The following IQGAP2 variants were observed in gnomAD, a reference collection of about 807,000 sequenced individuals.
IQGAP2 encodes the protein ras GTPase-activating-like protein IQGAP2.
IQGAP2 carries 173 observed loss-of-function variants against 201.3 expected under a neutral mutation model. The ratio of observed to expected loss-of-function variants is 0.86; its 90% CI spans 0.76 to 0.98. The LOEUF (loss-of-function observed/expected upper bound fraction) is 0.98, where lower values mean the gene tolerates loss of function less well. Among genes scored for constraint, IQGAP2 ranks in the 50% least tolerant of loss-of-function variants. The pLI, the probability that IQGAP2 is intolerant of heterozygous loss-of-function variation, is 0.00. For synonymous variants in IQGAP2, 675 were observed against 673.9 expected, an observed-to-expected ratio of 1.00 and a Z score of -0.03; for missense variants, 1,687 against 1,864.8, an observed-to-expected ratio of 0.90 and a Z score of 1.76.
At chr5:76,569,321 T>G (rs1478390854) in intron 3 of IQGAP2, among the ~76,000 whole-genome samples, 1 of 152,168 alleles carries the variant, frequency 6.6e-6, no homozygotes, top group Non-Finnish European at 1.5e-5. Context: ...AAATAGAAAT[T>G]TATTCCATTG....
chr5:76,433,964 C>T (rs999036424), intron 1 of IQGAP2, among the ~76,000 whole-genome samples: 1 of 152,176 alleles, frequency 6.6e-6, no homozygotes, highest in Admixed American at 6.5e-5. Flanking sequence ...TTAAATATTT[C>T]AATAAATAAC....
At position 76,497,549 on chromosome 5, in the gene IQGAP2, G is replaced by GA. The variant is rs139567794; in HGVS notation, c.146+35886dup. On this transcript the variant is annotated intron_variant, in intron 2 of 35. Transcript: ENST00000274364. ...TAAACTTTCATTTGTTTTCTAAATTGAAAAAAGCCATTTTTGGATTGTTCT... is the reference window on the plus strand; with the variant it reads ...TAAACTTTCATTTGTTTTCTAAATTGAAAAAAAGCCATTTTTGGATTGTTCT... 1.2e-3 allele frequency among the ~76,000 whole-genome samples: 184 copies of GA among 152,220 alleles called. 6 individuals carry two copies. The East Asian group carries it at 0.028, about 23-fold the overall frequency.
At chr5:76,467,284 T>A (rs1244239311) in intron 2 of IQGAP2, among the ~76,000 whole-genome samples, 1 of 152,150 alleles carries the variant, frequency 6.6e-6, no homozygotes, top group Non-Finnish European at 1.5e-5. Flanking sequence ...AAAGCACTTT[T>A]AAATTCTACA....
At chr5:76,671,734 T>G (rs932347300) in intron 23 of IQGAP2, 25 bp from the exon 24 acceptor site, 3 of 1,538,524 alleles carry the variant, frequency 1.9e-6, no homozygotes, top group Admixed American at 1.8e-5. Flanking sequence ...AGCAAACCAT[T>G]TTGTTTTGTC....
At chr5:76,648,734 T>C (rs1008556185) in intron 17 of IQGAP2, among the ~76,000 whole-genome samples, 6 of 152,216 alleles carry the variant, frequency 3.9e-5, no homozygotes, top group African/African-American at 1.4e-4. Flanking sequence ...ACAGTAACTT[T>C]TAGAACTGAA....
intron 26 of IQGAP2, 118 bp downstream of exon 26, chr5:76,674,154 CTTCTGT>C: frequency 1.5e-6 from 1 of 656,612 alleles, no homozygotes. Flanking sequence ...AGCTGCAGGT[CTTCTGT>C]TTCTAATGAC....
intron 28 of IQGAP2, among the ~76,000 whole-genome samples, chr5:76,681,881 A>G (rs974609937): frequency 6.6e-6 from 1 of 152,246 alleles, no homozygotes; most frequent in African/African-American, 2.4e-5. Flanking sequence ...ATACAATACA[A>G]TATTATTCAG....
At position 76,654,997 on chromosome 5, in the gene IQGAP2, A is replaced by G. The variant is rs774253489; in HGVS notation, c.2314A>G (p.Thr772Ala). 1.9e-6 allele frequency: 3 copies of G among 1,609,202 alleles called. No homozygotes were observed. Among genetic ancestry groups the G allele is most frequent in the Non-Finnish European group, 2.6e-6 (3 of 1,175,872 alleles). ...GAACAAAGCTAGAGATGACTACAAAACATTGGGTAAGTGAGAGCTTTCTGA... is the reference window on the plus strand; with the variant it reads ...GAACAAAGCTAGAGATGACTACAAAGCATTGGGTAAGTGAGAGCTTTCTGA... ...RANKARDDYKTLVGSENPPLT... is the reference protein window; with the variant it reads ...RANKARDDYKALVGSENPPLT... The change falls in exon 20 of 36, where the codon ACA becomes GCA. Residue 772 changes from threonine to alanine, a missense_variant. Transcript: ENST00000274364.
At chr5:76,565,093 T>C (rs1744653461) in intron 3 of IQGAP2, among the ~76,000 whole-genome samples, 1 of 152,092 alleles carries the variant, frequency 6.6e-6, no homozygotes, top group Admixed American at 6.5e-5. Context: ...CATACGAAAA[T>C]GAAAGGAGAT....
intron 35 of IQGAP2, 29 bp from the exon 36 acceptor site, chr5:76,707,171 A>G (rs748267093): frequency 1.0e-6 from 1 of 973,828 alleles, no homozygotes; most frequent in Non-Finnish European, 1.6e-6. Flanking sequence ...GTCAAAGTTG[A>G]GATTTAATGA....
intron 2 of IQGAP2, among the ~76,000 whole-genome samples, chr5:76,513,288 A>G (rs541862224): frequency 6.6e-6 from 1 of 152,300 alleles, no homozygotes; most frequent in Admixed American, 6.5e-5. Flanking sequence ...TTTCCCCAAA[A>G]TACATTTTTA....
chr5:76,408,000 G>A (rs1481112984), intron 1 of IQGAP2, among the ~76,000 whole-genome samples: 1 of 152,132 alleles, frequency 6.6e-6, no homozygotes, highest in Non-Finnish European at 1.5e-5. Flanking sequence ...GTGTGGTAGT[G>A]CATGCCTGTA....
chr5:76,431,450 G>A (rs1752359938), intron 1 of IQGAP2, among the ~76,000 whole-genome samples: 2 of 152,058 alleles, frequency 1.3e-5, no homozygotes, highest in Non-Finnish European at 2.9e-5. Context: ...GGTACAGTAG[G>A]TGTGGCATGG....
chr5:76,606,473 A>G lies in IQGAP2; in HGVS notation c.1357+170A>G, dbSNP rs963378375. On this transcript the variant is annotated intron_variant, in intron 12 of 35. Coordinates refer to ENST00000274364, the MANE Select transcript of IQGAP2 (RefSeq NM_006633.5). ...GTAGATTTTATGCCTATACCACTGT[A>G]CCAATATGTTATAAACGTTACAAAG... 4 of 417,744 alleles carry G rather than the reference A, an allele frequency of 9.6e-6. No homozygotes were observed. The East Asian group carries it at 1.4e-4, about 15-fold the overall frequency. 25.9% of individuals were successfully genotyped at this position (417,744 alleles called of 1,614,324 possible). A position where few individuals can be genotyped will look rare whatever the true frequency, so the allele number is the denominator to read the frequency against.
chr5:76,566,134 G>A (rs193087404), intron 3 of IQGAP2, among the ~76,000 whole-genome samples: 2 of 152,216 alleles, frequency 1.3e-5, no homozygotes, highest in East Asian at 3.9e-4. Flanking sequence ...TTGCATGTCA[G>A]GCACTATTCT....
At position 76,411,901 on chromosome 5, in the gene IQGAP2, C is replaced by CG. The variant is rs537348881; in HGVS notation, c.46+8314dup. ...GGAGCCATTGGGAAGGCTGAGTGAA[C>CG]GGGGAACCTTTTTGTGTAAGAAAGG... On this transcript the variant is annotated intron_variant, in intron 1 of 35. Transcript: ENST00000274364. 1.4e-3 allele frequency among the ~76,000 whole-genome samples: 217 copies of CG among 152,192 alleles called. 1 individual carries two copies. The highest frequency in any genetic ancestry group is 4.9e-3 in the African/African-American group (202 of 41,506).
rs1334247498 is a variant in IQGAP2 at position 76,686,015 on chromosome 5, T to C, written c.3905+2098T>C. ...TTGCCTGAAGATATGAAGTCGTATCTCACTGTGGTTTTGGTTTGTACTTTT... is the reference window on the plus strand; with the variant it reads ...TTGCCTGAAGATATGAAGTCGTATCCCACTGTGGTTTTGGTTTGTACTTTT... On this transcript the variant is annotated intron_variant, in intron 30 of 35. Coordinates refer to ENST00000274364, the MANE Select transcript of IQGAP2 (RefSeq NM_006633.5). 3.3e-5 allele frequency among the ~76,000 whole-genome samples: 5 copies of C among 152,230 alleles called. No homozygotes were observed. The East Asian group carries it at 9.6e-4, about 29-fold the overall frequency.
chr5:76,435,414 G>T (rs1752597784), intron 1 of IQGAP2, among the ~76,000 whole-genome samples: 1 of 152,030 alleles, frequency 6.6e-6, no homozygotes, highest in South Asian at 2.1e-4. Flanking sequence ...TCTACATGTG[G>T]CTATCCAGTT....
intron 10 of IQGAP2, 131 bp downstream of exon 10, chr5:76,597,733 C>T: frequency 1.2e-6 from 1 of 819,004 alleles, no homozygotes; most frequent in Admixed American, 2.7e-5. Flanking sequence ...CTCACTGGCC[C>T]ACCTGTACCA....
Sources: allele counts gnomAD v4.1 joint callset (sites outside exome capture counted in the v4.1 genomes callset), GRCh38; gene constraint gnomAD v4.1.1; transcripts MANE v1.5; gene names NCBI Gene and HGNC (gene_info 2026-07-23, HGNC 2026-07-21).